The following AP3S1 variants were observed in gnomAD, a reference collection of about 807,000 sequenced individuals.
AP3S1 encodes AP-3 complex subunit sigma-1.
A neutral mutation model predicts 21.3 loss-of-function variants in AP3S1; 12 were observed. That is an observed-to-expected ratio of 0.56 (90% CI 0.36 to 0.91). The LOEUF (loss-of-function observed/expected upper bound fraction) is 0.91, where lower values mean the gene tolerates loss of function less well. Ranked by LOEUF, AP3S1 falls within the 40% of genes least tolerant of loss-of-function variation. AP3S1 has a pLI of 0.01. For synonymous variants in AP3S1, 48 were observed against 78.4 expected, an observed-to-expected ratio of 0.61 and a Z score of 2.05; for missense variants, 116 against 225.0, an observed-to-expected ratio of 0.52 and a Z score of 3.10.
chr5:115,876,238 C>A (rs1748702948), intron 3 of AP3S1, among the ~76,000 whole-genome samples: 2 of 152,144 alleles, frequency 1.3e-5, no homozygotes, highest in Non-Finnish European at 1.5e-5. Flanking sequence ...TTTATATAAA[C>A]AATCAGCAAA....
At chr5:115,913,100 G>T (rs1205737926) in intron 5 of AP3S1, among the ~76,000 whole-genome samples, 1 of 152,108 alleles carries the variant, frequency 6.6e-6, no homozygotes, top group Non-Finnish European at 1.5e-5. Flanking sequence ...TGTGAATATT[G>T]TGTGGTAGTG....
At chr5:115,884,904 T>C (rs1193428009) in intron 3 of AP3S1, among the ~76,000 whole-genome samples, 2 of 152,198 alleles carry the variant, frequency 1.3e-5, no homozygotes, top group Non-Finnish European at 2.9e-5. Flanking sequence ...ACTAACACAC[T>C]GATAGGAACA....
At chr5:115,843,733 G>A (rs983284455) in intron 1 of AP3S1, among the ~76,000 whole-genome samples, 1 of 152,184 alleles carries the variant, frequency 6.6e-6, no homozygotes, top group Non-Finnish European at 1.5e-5. Flanking sequence ...TGGGTTTCCT[G>A]GCTAATCCAT....
intron 1 of AP3S1, among the ~76,000 whole-genome samples, chr5:115,865,446 G>A (rs1200462080): frequency 3.3e-5 from 5 of 152,192 alleles, no homozygotes; most frequent in Middle Eastern, 3.4e-3. Context: ...TTGCCAATGT[G>A]CAATTGTTTT....
intron 3 of AP3S1, among the ~76,000 whole-genome samples, chr5:115,871,720 T>G (rs572816747): frequency 7.0e-4 from 106 of 152,226 alleles, no homozygotes; most frequent in African/African-American, 2.4e-3. Flanking sequence ...CAGTCTCACT[T>G]TAAATTAATG....
intron 3 of AP3S1, among the ~76,000 whole-genome samples, chr5:115,887,267 A>T (rs752075899): frequency 2.0e-5 from 3 of 152,196 alleles, no homozygotes; most frequent in Non-Finnish European, 4.4e-5. Context: ...GTGATAAAAA[A>T]ATAATTTTTT....
At chr5:115,881,876 T>A (rs1749325230) in intron 3 of AP3S1, among the ~76,000 whole-genome samples, 1 of 152,136 alleles carries the variant, frequency 6.6e-6, no homozygotes, top group Admixed American at 6.5e-5. Context: ...AGTGTCATAT[T>A]TCTTGGAGAC....
intron 1 of AP3S1, among the ~76,000 whole-genome samples, chr5:115,843,239 C>T (rs1437670641): frequency 6.6e-6 from 1 of 152,166 alleles, no homozygotes; most frequent in African/African-American, 2.4e-5. Context: ...TGAAATTGTG[C>T]CAAGGCTAAC....
chr5:115,885,708 G>T (rs150326773), intron 3 of AP3S1, among the ~76,000 whole-genome samples: 1 of 152,092 alleles, frequency 6.6e-6, no homozygotes, highest in African/African-American at 2.4e-5. Context: ...CTATCTAGGC[G>T]TCCTTCACTC....
intron 3 of AP3S1, among the ~76,000 whole-genome samples, chr5:115,871,551 A>G (rs921666026): frequency 3.3e-5 from 5 of 152,250 alleles, no homozygotes; most frequent in Non-Finnish European, 7.4e-5. Flanking sequence ...TTAAAAATCC[A>G]TCATTTTTTT....
rs992375599 is a variant in AP3S1 at position 115,913,343 on chromosome 5, T to C, written c.454-19T>C. 3 of 1,589,628 alleles carry C rather than the reference T, an allele frequency of 1.9e-6. No individual in the cohort carries two copies. The highest frequency in any genetic ancestry group is 2.6e-6 in the Non-Finnish European group (3 of 1,172,082). On this transcript the variant is annotated intron_variant, in intron 5 of 5. Coordinates refer to ENST00000316788, the MANE Select transcript of AP3S1 (RefSeq NM_001284.4). ...TGAGTTGTACATTTTCTTTTTCTTTTATTTGCTTCTGTATACAGGCTGGCT... is the reference window on the plus strand; with the variant it reads ...TGAGTTGTACATTTTCTTTTTCTTTCATTTGCTTCTGTATACAGGCTGGCT...
At chr5:115,859,838 T>G (rs1763046728) in intron 1 of AP3S1, among the ~76,000 whole-genome samples, 1 of 152,242 alleles carries the variant, frequency 6.6e-6, no homozygotes, top group Non-Finnish European at 1.5e-5. Context: ...CTAGGTATTC[T>G]GAGAACTGAT....
intron 3 of AP3S1, among the ~76,000 whole-genome samples, chr5:115,891,583 G>T (rs562811484): frequency 6.6e-6 from 1 of 152,244 alleles, no homozygotes; most frequent in African/African-American, 2.4e-5. Flanking sequence ...ATATTACAAA[G>T]GATACAGATG....
intron 3 of AP3S1, among the ~76,000 whole-genome samples, chr5:115,892,292 C>T (rs1228190367): frequency 6.6e-6 from 1 of 152,158 alleles, no homozygotes; most frequent in Non-Finnish European, 1.5e-5. Context: ...CCATAGGATC[C>T]AGCTCACTGC....
intron 1 of AP3S1, among the ~76,000 whole-genome samples, chr5:115,843,003 A>G (rs1277795476): frequency 2.0e-5 from 3 of 152,172 alleles, no homozygotes; most frequent in African/African-American, 7.2e-5. Flanking sequence ...ACGTGTAAAT[A>G]CTGTTTAGTA....
chr5:115,858,113 A>C (rs1762921404), intron 1 of AP3S1, among the ~76,000 whole-genome samples: 1 of 151,948 alleles, frequency 6.6e-6, no homozygotes, highest in African/African-American at 2.4e-5. Flanking sequence ...ATTTTAGGGG[A>C]TTCCTTTTGC....
chr5:115,888,684 C>CT (rs1750008794), intron 3 of AP3S1, among the ~76,000 whole-genome samples: 1 of 151,672 alleles, frequency 6.6e-6, no homozygotes, highest in Admixed American at 6.6e-5. Flanking sequence ...TTTTTTCTTC[C>CT]TAAGTTAACA....
chr5:115,888,026 TTTAAAATA>T (rs1425133962), intron 3 of AP3S1, among the ~76,000 whole-genome samples: 1 of 152,146 alleles, frequency 6.6e-6, no homozygotes, highest in Non-Finnish European at 1.5e-5. Flanking sequence ...TGCAGGACAA[TTTAAAATA>T]TTATTCTTTT....
chr5:115,911,538 A>C (rs1427702667), intron 5 of AP3S1, among the ~76,000 whole-genome samples: 1 of 152,042 alleles, frequency 6.6e-6, no homozygotes, highest in African/African-American at 2.4e-5. Context: ...CCTATCTAAA[A>C]AATGATACTA....
Sources: allele counts gnomAD v4.1 joint callset (sites outside exome capture counted in the v4.1 genomes callset), GRCh38; gene constraint gnomAD v4.1.1; transcripts MANE v1.5; gene names NCBI Gene and HGNC (gene_info 2026-07-23, HGNC 2026-07-21).